The following CNIH3 variants were observed in gnomAD, a reference collection of about 807,000 sequenced individuals.
CNIH3 encodes cornichon family AMPA receptor auxiliary protein 3.
In CNIH3, 14 loss-of-function variants were observed where a neutral mutation model predicts 24.1. The ratio of observed to expected loss-of-function variants is 0.58; its 90% CI spans 0.38 to 0.91. The LOEUF (loss-of-function observed/expected upper bound fraction) is 0.91, where lower values mean the gene tolerates loss of function less well. CNIH3 is among the 40% of genes least tolerant of loss of function. The pLI, the probability that CNIH3 is intolerant of heterozygous loss-of-function variation, is 0.00. For missense variants in CNIH3, 178 were observed against 196.8 expected, an observed-to-expected ratio of 0.90 and a Z score of 0.57; for synonymous variants, 68 against 73.8, an observed-to-expected ratio of 0.92 and a Z score of 0.40.
In CNIH3 at chr1:224,684,715, G is replaced by A; in HGVS notation, c.151-81G>A. On this transcript the variant is annotated intron_variant, in intron 2 of 5. Coordinates refer to ENST00000272133, the MANE Select transcript of CNIH3 (RefSeq NM_152495.2). The surrounding 1 kb of genome is among the most constrained non-coding windows in gnomAD (Gnocchi z 4.2). ...TGGTGGCTTCTGCCTCCACTATTGG[G>A]GCTGATTGCGGGGCCTTCTCATGCT... 7.8e-7 allele frequency: 1 copy of A among 1,277,478 alleles called. No individual in the cohort carries two copies. 79.1% of individuals were successfully genotyped at this position (1,277,478 alleles called of 1,614,324 possible).
rs374136760 is a variant in CNIH3 at position 224,442,177 on chromosome 1, C to T, written n.203+7315C>T. 1.2e-4 allele frequency among the ~76,000 whole-genome samples: 18 copies of T among 152,088 alleles called. No homozygotes were observed. The East Asian group carries it at 2.5e-3, about 21-fold the overall frequency. ...GGGACCACAGGCATGCACTACCACA[C>T]CTGGCTAACTTTTTGTAGAGACAGG... On this transcript the variant is annotated intron_variant and non_coding_transcript_variant, in intron 1 of 5. Transcript: ENST00000471578.
intron 5 of CNIH3, among the ~76,000 whole-genome samples, chr1:224,735,720 C>T (rs1689561763): frequency 6.6e-6 from 1 of 152,042 alleles, no homozygotes; most frequent in African/African-American, 2.4e-5. Context: ...GCAGTGGTGC[C>T]ATCGCTGCTC....
At chr1:224,638,748 T>G (rs536941001) in intron 1 of CNIH3, among the ~76,000 whole-genome samples, 1 of 152,284 alleles carries the variant, frequency 6.6e-6, no homozygotes, top group South Asian at 2.1e-4. Context: ...TCTCCAACAT[T>G]CCATGATACT....
At chr1:224,501,046 G>C (rs964040875) in intron 1 of CNIH3, among the ~76,000 whole-genome samples, 1 of 152,170 alleles carries the variant, frequency 6.6e-6, no homozygotes, top group African/African-American at 2.4e-5. Flanking sequence ...AGCCTTGCTC[G>C]TGGGCCACCT....
At chr1:224,715,189 A>G (rs1688363535) in intron 3 of CNIH3, among the ~76,000 whole-genome samples, 1 of 152,076 alleles carries the variant, frequency 6.6e-6, no homozygotes, top group Non-Finnish European at 1.5e-5. Context: ...CGTGATATTC[A>G]TCTTCCTTAG....
intron 5 of CNIH3, among the ~76,000 whole-genome samples, chr1:224,587,833 T>C (rs1295203349): frequency 6.6e-6 from 1 of 151,800 alleles, no homozygotes; most frequent in Non-Finnish European, 1.5e-5. Context: ...TCCCAGCTAC[T>C]CAGGAGGCCA....
In CNIH3 at chr1:224,604,353, C is replaced by T. The variant is rs1339771483; in HGVS notation, n.402+38089C>T. Among the ~76,000 whole-genome samples, 2 of 152,062 alleles carry T rather than the reference C, an allele frequency of 1.3e-5. No homozygotes were observed. Among genetic ancestry groups the T allele is most frequent in the African/African-American group, 4.8e-5 (2 of 41,410 alleles). On this transcript the variant is annotated intron_variant and non_coding_transcript_variant, in intron 3 of 7. Coordinates refer to the CNIH3 transcript ENST00000478120. This position sits in a 1 kb window ranked among gnomAD's most constrained non-coding sequence, Gnocchi z 4.4. ...AGAGCTTTAAAAACAAATATTCTTT[C>T]TAGTTTGGTGAAAGGTTTAGCTTTT...
At chr1:224,593,150 T>C (rs1386814162), downstream of CNIH3, among the ~76,000 whole-genome samples, 3 of 151,600 alleles carry the variant, frequency 2.0e-5, no homozygotes, top group Non-Finnish European at 2.9e-5. Context: ...CTTCTTTTTT[T>C]TTTTTTAACT....
At chr1:224,588,968 G>GTTTGTTTTTTT (rs1553271533), downstream of CNIH3, among the ~76,000 whole-genome samples, 1 of 112,346 alleles carries the variant, frequency 8.9e-6, no homozygotes, top group Non-Finnish European at 1.7e-5. Context: ...CTGACCCCCT[G>GTTTGTTTTTTT]TTTTTTTTTT....
upstream of CNIH3, among the ~76,000 whole-genome samples, chr1:224,512,392 A>C (rs903708324): frequency 1.3e-5 from 2 of 152,164 alleles, no homozygotes. Flanking sequence ...TGAGGGGGAA[A>C]TCAGTTGAGC....
At chr1:224,634,579 A>AG (rs1683990526) in intron 1 of CNIH3, among the ~76,000 whole-genome samples, 1 of 125,980 alleles carries the variant, frequency 7.9e-6, no homozygotes, top group Non-Finnish European at 1.6e-5. Flanking sequence ...TCTCCAAAAA[A>AG]AAAAATAAAA....
At chr1:224,722,653 C>T (rs61825971) in intron 3 of CNIH3, among the ~76,000 whole-genome samples, 17,063 of 152,074 alleles carry the variant, frequency 0.11, 1,228 homozygotes, top group African/African-American at 0.21. Flanking sequence ...AGATCTACTG[C>T]GTCTGAAACT....
intron 1 of CNIH3, among the ~76,000 whole-genome samples, chr1:224,518,058 T>C (rs1198863411): frequency 1.3e-5 from 2 of 151,956 alleles, no homozygotes; most frequent in Non-Finnish European, 2.9e-5. Flanking sequence ...GATAATGGAG[T>C]GCTGTTCATT....
intron 1 of CNIH3, among the ~76,000 whole-genome samples, chr1:224,442,766 T>C (rs1674974463): frequency 6.6e-6 from 1 of 152,240 alleles, no homozygotes; most frequent in African/African-American, 2.4e-5. Flanking sequence ...GGTGCGTGGC[T>C]CCAGAGCTGT....
At chr1:224,515,477 C>G (rs1002916457), upstream of CNIH3, among the ~76,000 whole-genome samples, 2 of 152,202 alleles carry the variant, frequency 1.3e-5, no homozygotes, top group African/African-American at 4.8e-5. Context: ...CAGCACGCAC[C>G]AAGCCATGTT....
intron 1 of CNIH3, among the ~76,000 whole-genome samples, chr1:224,675,090 A>G (rs1395377973): frequency 1.3e-5 from 2 of 151,834 alleles, no homozygotes; most frequent in Non-Finnish European, 2.9e-5. Context: ...CTTTTCTTAC[A>G]TTTTCTGTGA....
At chr1:224,726,721 A>G (rs917611676) in intron 3 of CNIH3, among the ~76,000 whole-genome samples, 1 of 152,178 alleles carries the variant, frequency 6.6e-6, no homozygotes, top group African/African-American at 2.4e-5. Context: ...AATGAATTGC[A>G]GTCTTTCAGT....
intron 2 of CNIH3, among the ~76,000 whole-genome samples, chr1:224,528,181 T>C (rs900271628): frequency 3.9e-5 from 6 of 152,200 alleles, no homozygotes; most frequent in African/African-American, 1.4e-4. Flanking sequence ...TAAGGATTGA[T>C]TGAGCCTGGG....
intron 3 of CNIH3, among the ~76,000 whole-genome samples, chr1:224,687,609 T>A (rs573819500): frequency 3.9e-5 from 6 of 152,298 alleles, no homozygotes; most frequent in African/African-American, 1.4e-4. Flanking sequence ...TTTTAACAAT[T>A]GGTTATTAGT....
Sources: gnomAD v4.1 joint callset for allele counts (sites outside exome capture counted in the v4.1 genomes callset) on GRCh38, gnomAD v4.1.1 for gene constraint, Gnocchi (gnomAD v3.1) non-coding constraint, MANE v1.5 for transcripts, NCBI Gene and HGNC (gene_info 2026-07-23, HGNC 2026-07-21) for gene names.